Variants in PTPRC observed in about 807,000 individuals in gnomAD.
PTPRC encodes the protein receptor-type tyrosine-protein phosphatase C.
In PTPRC, 44 loss-of-function variants were observed where a neutral mutation model predicts 155.9. That is an observed-to-expected ratio of 0.28 (90% CI 0.22 to 0.36). The LOEUF is 0.36. Ranked by LOEUF, PTPRC falls within the 10% of genes least tolerant of loss-of-function variation. PTPRC has a pLI of 1.00. For missense variants in PTPRC, 1,401 were observed against 1,564.6 expected, an observed-to-expected ratio of 0.90 and a Z score of 1.76; for synonymous variants, 525 against 533.1, an observed-to-expected ratio of 0.98 and a Z score of 0.21.
At chr1:198,679,373 A>G (rs1052269412) in intron 2 of PTPRC, among the ~76,000 whole-genome samples, 34 of 149,862 alleles carry the variant, frequency 2.3e-4, no homozygotes, top group African/African-American at 8.3e-4. Flanking sequence ...GCTGGGACTA[A>G]AGCCGTGCCA....
Position 198,756,354 on chromosome 1 carries a change from AAC to A in PTPRC, c.*175_*176del. The A allele has an allele frequency of 1.1e-6, 1 of 888,030 alleles. No individual in the cohort carries two copies. Among genetic ancestry groups the A allele is most frequent in the African/African-American group, 1.7e-5 (1 of 59,234 alleles). The allele number at this position is 888,030 out of a possible 1,614,324, so 55.0% of individuals were successfully genotyped here. Reference sequence around the variant, plus strand: ...AAAATATTTAAGATAGTTTTGCCAGAACAGTTTGTACAGACGTATGCTTATTT... The same window carrying A: ...AAAATATTTAAGATAGTTTTGCCAGAAGTTTGTACAGACGTATGCTTATTT... On this transcript the variant is annotated 3_prime_UTR_variant, in exon 33 of 33. Transcript: ENST00000442510.
At chr1:198,652,181 G>A (rs1256983653) in intron 2 of PTPRC, among the ~76,000 whole-genome samples, 2 of 151,800 alleles carry the variant, frequency 1.3e-5, no homozygotes, top group Admixed American at 6.6e-5. Context: ...GGAGAAAGCT[G>A]TGCAGCTTTC....
chr1:198,664,885 T>C (rs2102268841), intron 2 of PTPRC, among the ~76,000 whole-genome samples: 1 of 152,260 alleles, frequency 6.6e-6, no homozygotes, highest in East Asian at 1.9e-4. Context: ...CTTTTTGACT[T>C]TGTGATACTC....
chr1:198,639,531 A>T (rs1356121852), intron 2 of PTPRC, among the ~76,000 whole-genome samples, 190 bp downstream of exon 2: 1 of 152,082 alleles, frequency 6.6e-6, no homozygotes, highest in African/African-American at 2.4e-5. Context: ...GTTTACAAAG[A>T]CATAAATGTT....
At chr1:198,705,772 C>G (rs746253305) in intron 8 of PTPRC, among the ~76,000 whole-genome samples, 2 of 152,112 alleles carry the variant, frequency 1.3e-5, no homozygotes, top group African/African-American at 4.8e-5. Flanking sequence ...TGTGGCCACT[C>G]CTGCTCTTCC....
At chr1:198,678,539 C>T (rs1318603583) in intron 2 of PTPRC, among the ~76,000 whole-genome samples, 1 of 152,146 alleles carries the variant, frequency 6.6e-6, no homozygotes, top group Non-Finnish European at 1.5e-5. Flanking sequence ...AAGCCACTCT[C>T]CCTAATGCTT....
intron 4 of PTPRC, 144 bp downstream of exon 4, chr1:198,697,053 G>T: frequency 1.2e-6 from 1 of 814,038 alleles, no homozygotes; most frequent in Non-Finnish European, 2.1e-6. Flanking sequence ...CAGGAAATTA[G>T]TATCTGTGAA....
intron 2 of PTPRC, among the ~76,000 whole-genome samples, chr1:198,664,534 C>T (rs1664168257): frequency 6.6e-6 from 1 of 152,190 alleles, no homozygotes; most frequent in Non-Finnish European, 1.5e-5. Context: ...AATTCTTTCT[C>T]AACTACCATT....
chr1:198,736,759 C>G (rs1336799598), intron 23 of PTPRC, among the ~76,000 whole-genome samples: 1 of 151,534 alleles, frequency 6.6e-6, no homozygotes, highest in Non-Finnish European at 1.5e-5. Context: ...TTTGAGAAAC[C>G]TCCAAACAGT....
At chr1:198,644,888 T>C (rs1662852348) in intron 2 of PTPRC, among the ~76,000 whole-genome samples, 2 of 151,766 alleles carry the variant, frequency 1.3e-5, no homozygotes, top group Non-Finnish European at 2.9e-5. Flanking sequence ...TAAAAATGAG[T>C]CAAGTGTCTG....
intron 2 of PTPRC, among the ~76,000 whole-genome samples, chr1:198,677,886 A>G (rs1220482811): frequency 6.6e-6 from 1 of 152,218 alleles, no homozygotes; most frequent in East Asian, 1.9e-4. Context: ...GCTAGGATTC[A>G]AAACTAGGTC....
chr1:198,750,672 C>G lies in PTPRC; in HGVS notation c.3207+46C>G, dbSNP rs1028313693. 6 of 1,598,810 alleles carry G rather than the reference C, an allele frequency of 3.8e-6. No homozygotes were observed. In the Admixed American group the frequency reaches 1.0e-4, roughly 27 times the overall value. On this transcript the variant is annotated intron_variant, in intron 29 of 32. Coordinates refer to ENST00000442510, the MANE Select transcript of PTPRC (RefSeq NM_002838.5). ...TCTTTTAAGCCTTTCTGTCATAAAA[C>G]GTCATTCTCTAGTCTTGGATTGCTT...
chr1:198,646,629 T>C (rs1662951651), intron 2 of PTPRC, among the ~76,000 whole-genome samples: 1 of 151,928 alleles, frequency 6.6e-6, no homozygotes, highest in South Asian at 2.1e-4. Flanking sequence ...GACAGCTCTT[T>C]GAGCTAGATT....
intron 2 of PTPRC, among the ~76,000 whole-genome samples, chr1:198,668,953 A>G (rs1181378345): frequency 6.6e-6 from 1 of 152,204 alleles, no homozygotes; most frequent in Admixed American, 6.5e-5. Flanking sequence ...AAGATATTTG[A>G]ACACATAAAG....
chr1:198,725,908 T>G (rs1310462934), intron 15 of PTPRC, among the ~76,000 whole-genome samples: 1 of 152,208 alleles, frequency 6.6e-6, no homozygotes, highest in Non-Finnish European at 1.5e-5. Context: ...TTGTTGAAAT[T>G]GCTCTACTTC....
Position 198,698,544 on chromosome 1 carries a change from TA to T in PTPRC, c.299-1019del, listed in dbSNP as rs1323592984. 2.6e-5 allele frequency among the ~76,000 whole-genome samples: 4 copies of T among 152,252 alleles called. No homozygotes were observed. In the East Asian group the frequency reaches 7.7e-4, roughly 29 times the overall value. ...CTTTAATCTGCATTTCTAAGAATAT[TA>T]TTACACACTATTCAAAATTGTTCAT... On this transcript the variant is annotated intron_variant, in intron 4 of 32. Transcript: ENST00000442510.
At chr1:198,639,506 G>T (rs550322178) in intron 2 of PTPRC, among the ~76,000 whole-genome samples, 165 bp downstream of exon 2, 5 of 152,188 alleles carry the variant, frequency 3.3e-5, no homozygotes, top group Admixed American at 1.3e-4. Flanking sequence ...TTGTGTGACA[G>T]AATACATTGT....
intron 2 of PTPRC, chr1:198,667,083 A>C (rs1664355931): frequency 6.6e-6 from 1 of 152,192 alleles, no homozygotes; most frequent in African/African-American, 2.4e-5. Flanking sequence ...TTGGGATGCT[A>C]TGCGTCCACA....
chr1:198,694,515 T>A, intron 3 of PTPRC: 1 of 996,960 alleles, frequency 1.0e-6, no homozygotes, highest in Non-Finnish European at 1.2e-6. Flanking sequence ...CTAGTCTGTT[T>A]GTAATTCACA....
Sources: allele counts gnomAD v4.1 joint callset (sites outside exome capture counted in the v4.1 genomes callset), GRCh38; gene constraint gnomAD v4.1.1; transcripts MANE v1.5; gene names NCBI Gene and HGNC (gene_info 2026-07-23, HGNC 2026-07-21).